Variants in PTGFRN observed in about 807,000 individuals in gnomAD.
PTGFRN encodes prostaglandin F2 receptor inhibitor.
In PTGFRN, 35 loss-of-function variants were observed where a neutral mutation model predicts 83.2. The ratio of observed to expected loss-of-function variants is 0.42; its 90% CI spans 0.32 to 0.56. The LOEUF is 0.56. Among genes scored for constraint, PTGFRN ranks in the 20% least tolerant of loss-of-function variants. The pLI is 0.11. For missense variants in PTGFRN, 1,051 were observed against 1,179.5 expected (o/e 0.89, Z 1.60); for synonymous variants, 519 against 498.6 (o/e 1.04, Z -0.55).
intron 5 of PTGFRN, among the ~76,000 whole-genome samples, chr1:116,965,115 C>T (rs1396397415): frequency 6.6e-6 from 1 of 152,146 alleles, no homozygotes; most frequent in Non-Finnish European, 1.5e-5. Flanking sequence ...CTCCCCAGCA[C>T]CCACTCCATC....
At chr1:116,968,857 A>G (rs1650912855) in intron 6 of PTGFRN, among the ~76,000 whole-genome samples, 1 of 152,148 alleles carries the variant, frequency 6.6e-6, no homozygotes, top group Non-Finnish European at 1.5e-5. Context: ...TTCAAGGTCC[A>G]TTCATGTTGT....
chr1:116,968,283 A>C lies in PTGFRN; in HGVS notation c.2059+953A>C, dbSNP rs1220464174. On this transcript the variant is annotated intron_variant, in intron 6 of 8. Transcript: ENST00000393203. Reference sequence around the variant, plus strand: ...TAAAAATTCAGGTGTCAATTGAATCATACAATGAATGCAAGATATTTGTTG... The same window carrying C: ...TAAAAATTCAGGTGTCAATTGAATCCTACAATGAATGCAAGATATTTGTTG... Among the ~76,000 whole-genome samples, 3 of 152,190 alleles carry C rather than the reference A, an allele frequency of 2.0e-5. No individual in the cohort carries two copies. In the South Asian group the frequency reaches 6.2e-4, roughly 32 times the overall value.
chr1:116,959,907 C>T (rs1363879908), intron 4 of PTGFRN, among the ~76,000 whole-genome samples: 1 of 151,496 alleles, frequency 6.6e-6, no homozygotes, highest in African/African-American at 2.4e-5. Flanking sequence ...ACCTGGGAGG[C>T]AGTTGCAGTG....
At chr1:116,975,815 C>A (rs902182228) in intron 7 of PTGFRN, among the ~76,000 whole-genome samples, 3 of 152,126 alleles carry the variant, frequency 2.0e-5, no homozygotes, top group African/African-American at 7.2e-5. Context: ...AATCAGAGCA[C>A]CTCTCCCCCT....
intron 7 of PTGFRN, among the ~76,000 whole-genome samples, chr1:116,983,399 C>T (rs915498053): frequency 2.7e-5 from 4 of 149,898 alleles, no homozygotes; most frequent in East Asian, 2.0e-4. Flanking sequence ...GAGAGTGATG[C>T]GGGTGTCCAC....
rs766645988 is a variant in PTGFRN, at chr1:116,944,749, G to A, written c.489G>A (p.Glu163=). The A allele has an allele frequency of 1.1e-5, 16 of 1,490,350 alleles. No homozygotes were observed. The highest frequency in any genetic ancestry group is 2.4e-5 in the Admixed American group (1 of 41,884). The allele number at this position is 1,490,350 out of a possible 1,614,324, so 92.3% of individuals were successfully genotyped here. Residue 163 remains glutamate, a synonymous_variant, in exon 3 of 9, where the codon GAG becomes GAA. Transcript: ENST00000393203. ...CGAGCCTGAGCCTGCGGGAGGGGGA[G>A]CCCTTCGAGCTGCGCTGCACCGCCG... is the stretch of plus-strand genomic sequence containing the variant. The part of the protein sequence containing the change: ...PPPSLSLREG[E]PFELRCTAAS...
chr1:116,972,144 C>T (rs113808814), intron 6 of PTGFRN, among the ~76,000 whole-genome samples: 1 of 152,326 alleles, frequency 6.6e-6, no homozygotes, highest in African/African-American at 2.4e-5. Flanking sequence ...CTGCTCCAGG[C>T]AGAGCAAGTC....
At chr1:116,948,009 C>G (rs59735117) in intron 3 of PTGFRN, among the ~76,000 whole-genome samples, 1 of 152,118 alleles carries the variant, frequency 6.6e-6, no homozygotes, top group Non-Finnish European at 1.5e-5. Context: ...TGGACATATT[C>G]ATATGAAAGT....
In PTGFRN at chr1:116,984,907, G is replaced by T. The variant is rs758977513; in HGVS notation, c.2395G>T (p.Val799Leu). ...GNYYCSVTPW[V>L]KSPTGSWQKE... ...CTACTACTGTTCCGTGACTCCATGG[G>T]TGAAGTCACCAACAGGTTCCTGGCA... is the stretch of plus-strand genomic sequence containing the variant. Residue 799 changes from valine (V) to leucine (L), a missense_variant, in exon 8 of 9, where the codon GTG (valine) becomes TTG (leucine). Val to Leu is a conservative substitution (Grantham distance 32). This residue lies in a region of PTGFRN where 719 missense variants were observed against 836.6 expected (regional missense o/e 0.86). Transcript: ENST00000393203. 1.2e-6 allele frequency: 2 copies of T among 1,614,174 alleles called. No individual in the cohort carries two copies. Among genetic ancestry groups the T allele is most frequent in the African/African-American group, 1.3e-5 (1 of 75,056 alleles).
At chr1:116,951,752 G>T (rs1230607873) in intron 4 of PTGFRN, among the ~76,000 whole-genome samples, 3 of 152,106 alleles carry the variant, frequency 2.0e-5, no homozygotes, top group African/African-American at 4.8e-5. Flanking sequence ...TCAGGAGCGG[G>T]TAGGGCATGA....
At chr1:116,932,499 A>G (rs557568696) in intron 1 of PTGFRN, among the ~76,000 whole-genome samples, 4 of 152,358 alleles carry the variant, frequency 2.6e-5, no homozygotes, top group Admixed American at 2.6e-4. Flanking sequence ...TGATTTTGGA[A>G]TAAAGTTCTC....
intron 6 of PTGFRN, among the ~76,000 whole-genome samples, chr1:116,969,481 C>T (rs879800834): frequency 1.1e-4 from 17 of 152,186 alleles, no homozygotes; most frequent in Admixed American, 8.5e-4. Context: ...ATACCAATAT[C>T]ACATGGTTTG....
chr1:116,953,019 G>A (rs1650388962), intron 4 of PTGFRN, among the ~76,000 whole-genome samples: 2 of 152,216 alleles, frequency 1.3e-5, no homozygotes, highest in African/African-American at 2.4e-5. Flanking sequence ...GCTATCAGAT[G>A]TCTTAAATGA....
intron 1 of PTGFRN, among the ~76,000 whole-genome samples, chr1:116,940,041 G>A (rs1650021223): frequency 6.6e-6 from 1 of 152,198 alleles, no homozygotes. Flanking sequence ...TCTCTAGGAA[G>A]TTCCAAACTT....
rs1237422966 is a variant in PTGFRN, at chr1:116,910,367, C to T, written c.49+115C>T. On this transcript the variant is annotated intron_variant, in intron 1 of 8. Coordinates refer to ENST00000393203, the MANE Select transcript of PTGFRN (RefSeq NM_020440.4). Reference sequence around the variant, plus strand: ...GCGCCGAGGGTGCCCGGGCTGCTCCCGGGAAACCCGGCCGGGGTGCGCGGG... The same window carrying T: ...GCGCCGAGGGTGCCCGGGCTGCTCCTGGGAAACCCGGCCGGGGTGCGCGGG... 1.5e-5 allele frequency: 14 copies of T among 963,728 alleles called. No individual in the cohort carries two copies. In the South Asian group the frequency reaches 1.5e-4, roughly 11 times the overall value. 59.7% of individuals were successfully genotyped at this position (963,728 alleles called of 1,614,324 possible).
At chr1:116,940,053 C>T (rs1051340572) in intron 1 of PTGFRN, among the ~76,000 whole-genome samples, 2 of 152,178 alleles carry the variant, frequency 1.3e-5, no homozygotes, top group Non-Finnish European at 2.9e-5. Context: ...TCCAAACTTT[C>T]CCACGTTTTC....
intron 5 of PTGFRN, among the ~76,000 whole-genome samples, chr1:116,964,014 A>C (rs1212196323): frequency 6.6e-6 from 1 of 151,982 alleles, no homozygotes; most frequent in African/African-American, 2.4e-5. Context: ...TCCTGACCTC[A>C]AACGATCCTC....
chr1:116,910,322 G>T (rs1649233935), intron 1 of PTGFRN, 70 bp downstream of exon 1: 2 of 1,221,024 alleles, frequency 1.6e-6, no homozygotes, highest in Non-Finnish European at 1.0e-6. Flanking sequence ...GCGGGGCGCG[G>T]CTGCAGCGCG....
intron 7 of PTGFRN, among the ~76,000 whole-genome samples, chr1:116,979,328 TCAAGCTAC>T (rs1209431198): frequency 2.6e-5 from 4 of 152,184 alleles, no homozygotes; most frequent in African/African-American, 9.7e-5. Flanking sequence ...GCCATCCCCA[TCAAGCTAC>T]CAATGGCTTT....
Sources: gnomAD v4.1 joint callset for allele counts (sites outside exome capture counted in the v4.1 genomes callset) on GRCh38, gnomAD v4.1.1 for gene constraint, gnomAD v4.1.1 regional missense constraint, MANE v1.5 for transcripts, NCBI Gene and HGNC (gene_info 2026-07-23, HGNC 2026-07-21) for gene names.